The following ANKRD55 variants were observed in gnomAD, a reference collection of about 807,000 sequenced individuals.
ANKRD55 encodes ankyrin repeat domain 55.
Under a neutral mutation model 60.6 loss-of-function variants are expected in ANKRD55, and 41 were observed. The observed-to-expected ratio is 0.68, with a 90% CI of 0.53 to 0.88. The LOEUF (loss-of-function observed/expected upper bound fraction) is 0.88, where lower values mean the gene tolerates loss of function less well. Ranked by LOEUF, ANKRD55 falls within the 40% of genes least tolerant of loss-of-function variation. The pLI is 0.00. For missense variants in ANKRD55, 732 were observed against 767.6 expected (o/e 0.95, Z 0.55); for synonymous variants, 264 against 290.3 (o/e 0.91, Z 0.92).
chr5:56,118,665 AATAAAATC>A (rs1756950632), intron 8 of ANKRD55, among the ~76,000 whole-genome samples: 1 of 144,918 alleles, frequency 6.9e-6, no homozygotes, highest in Non-Finnish European at 1.5e-5. Context: ...AAAATAAAAT[AATAAAATC>A]TTTCAGAACG....
intron 2 of ANKRD55, among the ~76,000 whole-genome samples, chr5:56,204,975 G>A (rs961906518): frequency 6.6e-6 from 1 of 152,240 alleles, no homozygotes; most frequent in African/African-American, 2.4e-5. Flanking sequence ...GTCTGGAGCA[G>A]AGCAGAATGT....
rs747611870 is a variant in ANKRD55, at chr5:56,127,065, G to A, written c.654C>T (p.His218=). The change falls in exon 8 of 12, where the codon CAC becomes CAT. Residue 218 remains histidine, a synonymous_variant. Coordinates refer to ENST00000341048, the MANE Select transcript of ANKRD55 (RefSeq NM_024669.3). ...CATAGTTGATTATGGACGGCCCCTG[G>A]TGATGGCTCAGAATGATGGAGCACA... is the stretch of plus-strand genomic sequence containing the variant. ...RILCSIILSH[H]QGPSIINYDD... 1 of 1,613,428 alleles carries A rather than the reference G, an allele frequency of 6.2e-7. No individual in the cohort carries two copies. The highest frequency in any genetic ancestry group is 8.5e-7 in the Non-Finnish European group (1 of 1,179,712).
At chr5:56,139,827 C>A (rs549932385) in intron 7 of ANKRD55, among the ~76,000 whole-genome samples, 24 of 152,236 alleles carry the variant, frequency 1.6e-4, no homozygotes, top group Non-Finnish European at 2.8e-4. Context: ...AATCCCGACA[C>A]TTGGGAGGCC....
intron 2 of ANKRD55, among the ~76,000 whole-genome samples, chr5:56,220,400 T>C (rs565774500): frequency 5.2e-4 from 79 of 150,800 alleles, no homozygotes; most frequent in African/African-American, 2.0e-3. Flanking sequence ...CCAGAATGGA[T>C]TGGTCTGTCA....
chr5:56,165,746 A>G (rs1255458505), intron 5 of ANKRD55, among the ~76,000 whole-genome samples: 1 of 152,148 alleles, frequency 6.6e-6, no homozygotes, highest in Non-Finnish European at 1.5e-5. Flanking sequence ...CCTGACCAAC[A>G]TGGAGAAACC....
intron 6 of ANKRD55, among the ~76,000 whole-genome samples, chr5:56,159,237 A>C (rs1039263005): frequency 1.3e-5 from 2 of 152,180 alleles, no homozygotes; most frequent in East Asian, 3.9e-4. Context: ...CGAGGCAGGC[A>C]GATCACCTGA....
At chr5:56,126,799 A>T in intron 8 of ANKRD55, 123 bp downstream of exon 8, 2 of 1,061,396 alleles carry the variant, frequency 1.9e-6, no homozygotes, top group Non-Finnish European at 2.6e-6. Flanking sequence ...TCACAAGCCC[A>T]TGTGTATTAC....
In ANKRD55 at chr5:56,163,032, T is replaced by C. The variant is rs75345828; in HGVS notation, c.423-3139A>G. Among the ~76,000 whole-genome samples, 844 of 152,280 alleles carry C rather than the reference T, an allele frequency of 5.5e-3. 12 individuals carry two copies. The highest frequency in any genetic ancestry group is 0.02 in the Middle Eastern group (6 of 294). ...TCCAGTTGCCACCCTTTAATTCCCATGTCTTCTCTGTCATGGCTGTGACTG... is the reference window on the plus strand; with the variant it reads ...TCCAGTTGCCACCCTTTAATTCCCACGTCTTCTCTGTCATGGCTGTGACTG... On this transcript the variant is annotated intron_variant, in intron 5 of 11. Coordinates refer to ENST00000341048, the MANE Select transcript of ANKRD55 (RefSeq NM_024669.3).
At chr5:56,158,159 C>A (rs1009790112) in intron 6 of ANKRD55, among the ~76,000 whole-genome samples, 5 of 151,320 alleles carry the variant, frequency 3.3e-5, no homozygotes, top group Non-Finnish European at 7.4e-5. Flanking sequence ...CCAGCCTGGG[C>A]GACAGAGTAA....
intron 6 of ANKRD55, among the ~76,000 whole-genome samples, chr5:56,144,998 A>C (rs748869661): frequency 6.6e-6 from 1 of 152,250 alleles, no homozygotes; most frequent in Non-Finnish European, 1.5e-5. Flanking sequence ...CTCTGCTGAT[A>C]GCATAAAGCT....
intron 2 of ANKRD55, among the ~76,000 whole-genome samples, chr5:56,188,406 G>A (rs1172827542): frequency 6.7e-6 from 1 of 150,110 alleles, no homozygotes; most frequent in Non-Finnish European, 1.5e-5. Flanking sequence ...TCTTAGCCTA[G>A]GTCAATCTCC....
At chr5:56,156,019 C>T (rs953470795) in intron 6 of ANKRD55, among the ~76,000 whole-genome samples, 16 of 152,026 alleles carry the variant, frequency 1.1e-4, no homozygotes, top group African/African-American at 3.9e-4. Flanking sequence ...AAGAGGGTTG[C>T]ACTGTTAGAA....
At chr5:56,126,717 T>C (rs890763933) in intron 8 of ANKRD55, among the ~76,000 whole-genome samples, 1 of 152,184 alleles carries the variant, frequency 6.6e-6, no homozygotes, top group African/African-American at 2.4e-5. Context: ...CTGACAACAC[T>C]GTACAGTCGC....
At chr5:56,202,260 A>C (rs1397233727) in intron 2 of ANKRD55, among the ~76,000 whole-genome samples, 1 of 152,142 alleles carries the variant, frequency 6.6e-6, no homozygotes, top group Non-Finnish European at 1.5e-5. Flanking sequence ...ACATTTACCT[A>C]TGTAACAAAC....
At chr5:56,182,093 C>A (rs985565818) in intron 3 of ANKRD55, among the ~76,000 whole-genome samples, 2 of 151,964 alleles carry the variant, frequency 1.3e-5, no homozygotes, top group African/African-American at 4.8e-5. Flanking sequence ...TATGTGGAAT[C>A]GATGCTGGTT....
intron 2 of ANKRD55, among the ~76,000 whole-genome samples, chr5:56,194,885 G>T (rs1197009130): frequency 6.6e-6 from 1 of 152,140 alleles, no homozygotes; most frequent in African/African-American, 2.4e-5. Flanking sequence ...ACATAGTTAT[G>T]ATTTCTTTCA....
chr5:56,153,408 G>A (rs62362366), intron 6 of ANKRD55, among the ~76,000 whole-genome samples: 32,166 of 152,128 alleles, frequency 0.21, 4,023 homozygotes, highest in Middle Eastern at 0.29. Flanking sequence ...TATGCAAAGA[G>A]GCTTGTACAA....
chr5:56,177,822 T>C (rs1388376127), intron 3 of ANKRD55, among the ~76,000 whole-genome samples: 3 of 152,038 alleles, frequency 2.0e-5, no homozygotes, highest in Non-Finnish European at 1.5e-5. Flanking sequence ...TCCCTAGATA[T>C]TGTTTTCATA....
intron 7 of ANKRD55, chr5:56,137,469 G>A (rs1212808181): frequency 1.5e-5 from 12 of 805,116 alleles, no homozygotes. Flanking sequence ...AGAGGAGATT[G>A]CCCAGAAGAA....
Sources: allele counts gnomAD v4.1 joint callset (sites outside exome capture counted in the v4.1 genomes callset), GRCh38; gene constraint gnomAD v4.1.1; transcripts MANE v1.5; gene names NCBI Gene and HGNC (gene_info 2026-07-23, HGNC 2026-07-21).